PCDHA1: variants seen among roughly 807,000 people sequenced by gnomAD.
PCDHA1 encodes the protein protocadherin alpha-1.
In PCDHA1, 42 loss-of-function variants were observed where a neutral mutation model predicts 61.3. The ratio of observed to expected loss-of-function variants is 0.69; its 90% CI spans 0.54 to 0.89. The LOEUF is 0.89. Among genes scored for constraint, PCDHA1 ranks in the 40% least tolerant of loss-of-function variants. PCDHA1 has a pLI of 0.00. For missense variants in PCDHA1, 1,256 were observed against 1,235.3 expected (o/e 1.02, Z -0.25); for synonymous variants, 610 against 553.8 (o/e 1.10, Z -1.43).
intron 1 of PCDHA1, chr5:140,803,039 G>C (rs1554122540): frequency 4.3e-6 from 7 of 1,614,024 alleles, no homozygotes; most frequent in Non-Finnish European, 8.5e-7. Flanking sequence ...TGCAGCCTGG[G>C]ACCGGCGGTG....
intron 1 of PCDHA1, among the ~76,000 whole-genome samples, chr5:140,935,464 G>A (rs2090388076): frequency 6.6e-6 from 1 of 152,146 alleles, no homozygotes; most frequent in Admixed American, 6.5e-5. Context: ...AGCAGTTTAA[G>A]TTTTTGTCAT....
chr5:140,786,649 A>T lies in PCDHA1; in HGVS notation c.359A>T (p.Glu120Val), dbSNP rs534765119. ...ADRPLQVFHV[E>V]VKVKDINDNP... ...AGGCCGCTGCAGGTTTTCCATGTGG[A>T]GGTGAAGGTGAAAGACATTAACGAT... is the stretch of plus-strand genomic sequence containing the variant. Residue 120 changes from glutamate to valine, a missense_variant, in exon 1 of 4, where the codon GAG becomes GTG. Transcript: ENST00000504120. The T allele has an allele frequency of 3.1e-6, 5 of 1,614,222 alleles. No individual in the cohort carries two copies. In the South Asian group the frequency reaches 5.5e-5, roughly 18 times the overall value.
chr5:140,832,432 T>C (rs1554133529), intron 1 of PCDHA1, among the ~76,000 whole-genome samples: 1 of 152,236 alleles, frequency 6.6e-6, no homozygotes, highest in Non-Finnish European at 1.5e-5. Flanking sequence ...TACATGATAA[T>C]TTTTAAGCGT....
intron 1 of PCDHA1, among the ~76,000 whole-genome samples, chr5:140,915,256 T>C (rs782716023): frequency 1.3e-5 from 2 of 152,162 alleles, no homozygotes; most frequent in Non-Finnish European, 2.9e-5. Flanking sequence ...CAGGTTGTTA[T>C]TATTTTTGAC....
chr5:140,932,966 G>C (rs2088764912), intron 1 of PCDHA1, among the ~76,000 whole-genome samples: 1 of 151,942 alleles, frequency 6.6e-6, no homozygotes, highest in South Asian at 2.1e-4. Context: ...TTGCTGAAAG[G>C]TTTTTACAAT....
At chr5:140,978,597 A>G (rs897045455) in intron 1 of PCDHA1, among the ~76,000 whole-genome samples, 1 of 152,234 alleles carries the variant, frequency 6.6e-6, no homozygotes, top group Non-Finnish European at 1.5e-5. Flanking sequence ...TTAATGGGGC[A>G]CTTGAGGGCA....
chr5:140,937,227 C>CG lies in PCDHA1; in HGVS notation c.2395-41718dup, dbSNP rs2091422712. Among the ~76,000 whole-genome samples the CG allele has an allele frequency of 2.0e-5, 3 of 151,930 alleles. No homozygotes were observed. The South Asian group carries it at 6.2e-4, about 32-fold the overall frequency. On this transcript the variant is annotated intron_variant, in intron 1 of 3. Transcript: ENST00000504120. Reference sequence around the variant, plus strand: ...TAATTTTTTGTATTTTTTGTAGAGACGGGGTTTCACCGTGTTAGCCAGGAT... The same window carrying CG: ...TAATTTTTTGTATTTTTTGTAGAGACGGGGGTTTCACCGTGTTAGCCAGGAT...
At chr5:140,858,594 G>A (rs1554151838) in intron 1 of PCDHA1, 5 of 1,317,532 alleles carry the variant, frequency 3.8e-6, no homozygotes, top group Admixed American at 2.6e-5. Context: ...TTTATTCCAG[G>A]AGTTTTAAAA....
At chr5:140,968,460 C>G (rs1554230749) in intron 1 of PCDHA1, 1 of 1,614,096 alleles carries the variant, frequency 6.2e-7, no homozygotes, top group Non-Finnish European at 8.5e-7. Flanking sequence ...ACTGTGACTG[C>G]CAACGTATAT....
At chr5:140,887,039 T>G (rs1396033565) in intron 1 of PCDHA1, among the ~76,000 whole-genome samples, 2 of 152,156 alleles carry the variant, frequency 1.3e-5, no homozygotes, top group African/African-American at 4.8e-5. Flanking sequence ...TTAATATTTT[T>G]TATAGTGCAT....
intron 1 of PCDHA1, chr5:140,875,414 C>T: frequency 6.6e-7 from 1 of 1,508,510 alleles, no homozygotes; most frequent in Non-Finnish European, 8.8e-7. Context: ...CATAAAATAC[C>T]TCAGGCAAGC....
chr5:140,825,124 C>T (rs1214733618), intron 1 of PCDHA1: 1 of 151,608 alleles, frequency 6.6e-6, no homozygotes, highest in African/African-American at 2.4e-5. Context: ...TTCCCTACCC[C>T]CTTAAAAAAC....
At chr5:140,822,274 T>A (rs201640591) in intron 1 of PCDHA1, 1 of 1,614,216 alleles carries the variant, frequency 6.2e-7, no homozygotes, top group Non-Finnish European at 8.5e-7. Context: ...AAATGCACAA[T>A]TGAGATACAG....
intron 1 of PCDHA1, among the ~76,000 whole-genome samples, chr5:140,960,371 T>A (rs2095543916): frequency 6.6e-6 from 1 of 152,196 alleles, no homozygotes; most frequent in Non-Finnish European, 1.5e-5. Context: ...TGCCAACTCT[T>A]AAGTGCCAAG....
chr5:140,969,210 C>T, intron 1 of PCDHA1: 10 of 1,614,184 alleles, frequency 6.2e-6, no homozygotes, highest in Non-Finnish European at 8.5e-6. Flanking sequence ...GGGGCCCAGA[C>T]AGGACCAGGG....
intron 1 of PCDHA1, among the ~76,000 whole-genome samples, chr5:140,840,752 A>G (rs1776854454): frequency 6.6e-6 from 1 of 152,098 alleles, no homozygotes; most frequent in Non-Finnish European, 1.5e-5. Context: ...ATAAGAACAC[A>G]AGAAGATAAA....
Position 140,827,982 on chromosome 5 carries a change from G to A in PCDHA1, c.2394+39298G>A, listed in dbSNP as rs1466439579. ...TCTATTACTGCATCATTCCCTGACT[G>A]TTGAATGATGGCGGACGCAGAAGAA... On this transcript the variant is annotated intron_variant, in intron 1 of 3. Coordinates refer to ENST00000504120, the MANE Select transcript of PCDHA1 (RefSeq NM_018900.4). 4.2e-6 allele frequency: 6 copies of A among 1,434,114 alleles called. No individual in the cohort carries two copies. The African/African-American group carries it at 8.6e-5, about 20-fold the overall frequency. The allele number at this position is 1,434,114 out of a possible 1,614,324, so 88.8% of individuals were successfully genotyped here.
chr5:140,988,578 C>A (rs1490917539), intron 3 of PCDHA1, among the ~76,000 whole-genome samples: 1 of 152,138 alleles, frequency 6.6e-6, no homozygotes, highest in African/African-American at 2.4e-5. Context: ...ACACTCTGTA[C>A]CTTCCACTTT....
chr5:140,806,258 A>G (rs570668849), intron 1 of PCDHA1, among the ~76,000 whole-genome samples: 1 of 152,350 alleles, frequency 6.6e-6, no homozygotes, highest in South Asian at 2.1e-4. Context: ...TATTGGAAGC[A>G]GGAAATATTC....
Sources: gnomAD v4.1 joint callset for allele counts (sites outside exome capture counted in the v4.1 genomes callset) on GRCh38, gnomAD v4.1.1 for gene constraint, MANE v1.5 for transcripts, NCBI Gene and HGNC (gene_info 2026-07-23, HGNC 2026-07-21) for gene names.